Variants in ANO3 observed in about 807,000 individuals in gnomAD.
ANO3 encodes the protein anoctamin 3, also known as anoctamin-3.
In ANO3, 99 loss-of-function variants were observed where a neutral mutation model predicts 144.8. The observed-to-expected ratio is 0.68, with a 90% CI of 0.58 to 0.81. The LOEUF is 0.81. Among genes scored for constraint, ANO3 ranks in the 30% least tolerant of loss-of-function variants. ANO3 has a pLI of 0.00. For missense variants in ANO3, 905 were observed against 1,202.2 expected (o/e 0.75, Z 3.66); for synonymous variants, 414 against 392.6 (o/e 1.05, Z -0.64).
At chr11:26,250,519 T>G (rs890752847) in intron 1 of ANO3, among the ~76,000 whole-genome samples, 2 of 152,214 alleles carry the variant, frequency 1.3e-5, no homozygotes, top group African/African-American at 4.8e-5. Flanking sequence ...ATGCTGTCAG[T>G]GAGCCGATTT....
chr11:26,502,722 A>C (rs1191355545), intron 4 of ANO3, among the ~76,000 whole-genome samples: 1 of 152,114 alleles, frequency 6.6e-6, no homozygotes, highest in Non-Finnish European at 1.5e-5. Context: ...CAATGTTTAC[A>C]TGCCTATAAC....
chr11:26,385,009 A>C (rs997746328), intron 1 of ANO3, among the ~76,000 whole-genome samples: 1 of 152,280 alleles, frequency 6.6e-6, no homozygotes, highest in African/African-American at 2.4e-5. Context: ...CCTTTTCTCA[A>C]GTTATTTTAT....
chr11:26,565,450 G>A, intron 14 of ANO3: 1 of 1,613,454 alleles, frequency 6.2e-7, no homozygotes. Flanking sequence ...GCATTGGGAT[G>A]TGCTGAGATG....
intron 18 of ANO3, 40 bp from the exon 19 acceptor site, chr11:26,634,164 C>T: frequency 7.9e-7 from 1 of 1,271,054 alleles, no homozygotes; most frequent in Non-Finnish European, 1.1e-6. Context: ...TGATATTCAC[C>T]TCACCTCACC....
intron 4 of ANO3, among the ~76,000 whole-genome samples, chr11:26,490,196 T>G (rs1198443068): frequency 2.0e-5 from 3 of 152,212 alleles, no homozygotes; most frequent in Non-Finnish European, 2.9e-5. Flanking sequence ...TCGTGAGATC[T>G]GATGGGTTTA....
At chr11:26,222,900 G>T (rs975876454) in intron 1 of ANO3, among the ~76,000 whole-genome samples, 13 of 152,274 alleles carry the variant, frequency 8.5e-5, no homozygotes, top group Non-Finnish European at 1.8e-4. Context: ...ACCTGTGGTG[G>T]GAAGAGCTGC....
intron 3 of ANO3, among the ~76,000 whole-genome samples, chr11:26,459,131 T>C (rs576215490): frequency 1.3e-5 from 2 of 152,154 alleles, no homozygotes; most frequent in Non-Finnish European, 2.9e-5. Context: ...AATAACCTGG[T>C]GCAGCTGGAT....
chr11:26,367,486 G>T (rs563748276), intron 1 of ANO3, among the ~76,000 whole-genome samples: 57 of 151,956 alleles, frequency 3.8e-4, no homozygotes, highest in African/African-American at 1.4e-3. Context: ...CCTCCGAGAA[G>T]TTCCAAACTT....
intron 5 of ANO3, among the ~76,000 whole-genome samples, chr11:26,513,368 G>A (rs1356929443): frequency 6.6e-6 from 1 of 152,156 alleles, no homozygotes; most frequent in Admixed American, 6.5e-5. Context: ...TGAAAGTACT[G>A]CAGGAGTCCC....
At chr11:26,659,936 T>C (rs1379765481) in intron 26 of ANO3, among the ~76,000 whole-genome samples, 1 of 152,148 alleles carries the variant, frequency 6.6e-6, no homozygotes, top group African/African-American at 2.4e-5. Flanking sequence ...TTCTCATCTG[T>C]GTGTAACAAT....
intron 1 of ANO3, among the ~76,000 whole-genome samples, chr11:26,293,613 G>T (rs1854017992): frequency 7.7e-6 from 1 of 129,884 alleles, no homozygotes. Flanking sequence ...GTCATATGTA[G>T]AAGAAATCCA....
At chr11:26,480,146 G>A (rs1343800716) in intron 4 of ANO3, among the ~76,000 whole-genome samples, 1 of 152,194 alleles carries the variant, frequency 6.6e-6, no homozygotes, top group Non-Finnish European at 1.5e-5. Flanking sequence ...ACAGTCTCAT[G>A]CAGAAACTTC....
intron 7 of ANO3, among the ~76,000 whole-genome samples, chr11:26,530,848 A>G (rs1849353058): frequency 6.6e-6 from 1 of 152,174 alleles, no homozygotes. Flanking sequence ...CAGCCAGGTG[A>G]CAGAGCGAGA....
chr11:26,202,391 A>C (rs1215702315), intron 1 of ANO3, among the ~76,000 whole-genome samples: 1 of 148,636 alleles, frequency 6.7e-6, no homozygotes, highest in African/African-American at 2.5e-5. Flanking sequence ...TATCTTAAGA[A>C]TCCTACATGA....
intron 1 of ANO3, among the ~76,000 whole-genome samples, chr11:26,228,512 A>G (rs1368612289): frequency 6.6e-5 from 10 of 152,234 alleles, no homozygotes; most frequent in African/African-American, 2.2e-4. Context: ...TGAGACACAG[A>G]TCAGTGTAGG....
intron 3 of ANO3, chr11:26,460,016 A>G (rs998199171): frequency 2.4e-5 from 10 of 417,044 alleles, no homozygotes; most frequent in Non-Finnish European, 4.3e-5. Context: ...ATGCGCCTCC[A>G]TGATCCAAAC....
At chr11:26,288,775 G>C (rs988348888) in intron 1 of ANO3, among the ~76,000 whole-genome samples, 4 of 151,934 alleles carry the variant, frequency 2.6e-5, no homozygotes, top group Admixed American at 2.6e-4. Context: ...CACGAAATTA[G>C]TCAACACTGG....
At chr11:26,294,572 C>T (rs1854042745) in intron 1 of ANO3, among the ~76,000 whole-genome samples, 1 of 152,000 alleles carries the variant, frequency 6.6e-6, no homozygotes, top group African/African-American at 2.4e-5. Flanking sequence ...GTGAAGAAAC[C>T]AAGGGTCAGT....
chr11:26,370,886 G>A (rs1463774977), intron 1 of ANO3, among the ~76,000 whole-genome samples: 1 of 152,126 alleles, frequency 6.6e-6, no homozygotes, highest in African/African-American at 2.4e-5. Context: ...AATCATTCAA[G>A]AAGAAGCAGA....
Sources: gnomAD v4.1 joint callset for allele counts (sites outside exome capture counted in the v4.1 genomes callset) on GRCh38, gnomAD v4.1.1 for gene constraint, MANE v1.5 for transcripts, NCBI Gene and HGNC (gene_info 2026-07-23, HGNC 2026-07-21) for gene names.